The following SLCO5A1 variants were observed in gnomAD, a reference collection of about 807,000 sequenced individuals.
SLCO5A1 encodes the protein solute carrier organic anion transporter family member 5A1, also known as organic anion transporter polypeptide-related protein 4.
SLCO5A1 carries 39 observed loss-of-function variants against 65.1 expected under a neutral mutation model. The ratio of observed to expected loss-of-function variants is 0.60; its 90% CI spans 0.46 to 0.78. The LOEUF (loss-of-function observed/expected upper bound fraction) is 0.78. Ranked by LOEUF, SLCO5A1 falls within the 30% of genes least tolerant of loss-of-function variation. The pLI, the probability that SLCO5A1 is intolerant of heterozygous loss-of-function variation, is 0.00. For synonymous variants in SLCO5A1, 438 were observed against 415.7 expected (o/e 1.05, Z -0.65); for missense variants, 1,029 against 1,069.4 (o/e 0.96, Z 0.53).
At chr8:69,792,079 A>G (rs1819293674) in intron 2 of SLCO5A1, among the ~76,000 whole-genome samples, 1 of 152,244 alleles carries the variant, frequency 6.6e-6, no homozygotes, top group Non-Finnish European at 1.5e-5. Context: ...TCTGTAGAGC[A>G]CTGGGGTGTT....
intron 6 of SLCO5A1, among the ~76,000 whole-genome samples, chr8:69,691,281 G>A (rs1258274237): frequency 6.6e-6 from 1 of 152,112 alleles, no homozygotes; most frequent in African/African-American, 2.4e-5. Context: ...GAGCTCTCAC[G>A]ATCTTTCAAA....
intron 2 of SLCO5A1, among the ~76,000 whole-genome samples, chr8:69,762,983 G>C (rs973767214): frequency 6.6e-6 from 1 of 152,142 alleles, no homozygotes; most frequent in Non-Finnish European, 1.5e-5. Flanking sequence ...GTATCAAAAA[G>C]GTTGTCACTG....
intron 2 of SLCO5A1, among the ~76,000 whole-genome samples, chr8:69,780,415 A>G (rs541769863): frequency 3.9e-5 from 6 of 152,362 alleles, no homozygotes; most frequent in Non-Finnish European, 7.3e-5. Context: ...GTGCATATCA[A>G]TGGAGGACTG....
Position 69,832,666 on chromosome 8 carries a change from T to A in SLCO5A1, c.8A>T (p.Glu3Val). The change falls in exon 2 of 10, where the codon GAA (glutamate) becomes GTA (valine). Residue 3 changes from glutamate to valine, a missense_variant. Physicochemically the swap from Glu to Val is moderately radical, Grantham distance 121 (BLOSUM62 -2). Transcript: ENST00000260126. The surrounding 1 kb of genome is among the most constrained non-coding windows in gnomAD (Gnocchi z 4.5). Reference sequence around the variant, plus strand: ...CGCCCCGGGCTGCAGTCCAGTGCCTTCGTCCATGGCGCTTAGAATTCAGAT... The same window carrying A: ...CGCCCCGGGCTGCAGTCCAGTGCCTACGTCCATGGCGCTTAGAATTCAGAT... MD[E>V]GTGLQPGAGE... 2 of 1,596,718 alleles carry A rather than the reference T, an allele frequency of 1.3e-6. No individual in the cohort carries two copies. Among genetic ancestry groups the A allele is most frequent in the Non-Finnish European group, 1.7e-6 (2 of 1,177,668 alleles).
intron 3 of SLCO5A1, chr8:69,761,535 T>C: frequency 3.6e-6 from 2 of 558,980 alleles, no homozygotes; most frequent in Non-Finnish European, 6.2e-6. Context: ...GCAAAGTCCC[T>C]CTTGCCATGT....
At chr8:69,825,405 T>G (rs996371055) in intron 2 of SLCO5A1, among the ~76,000 whole-genome samples, 37 of 152,172 alleles carry the variant, frequency 2.4e-4, no homozygotes, top group African/African-American at 7.2e-4. Flanking sequence ...AAAATCTCCT[T>G]AAGCTGATAA....
Position 69,808,847 on chromosome 8 carries a change from G to A in SLCO5A1, c.907+22920C>T, listed in dbSNP as rs577527038. Among the ~76,000 whole-genome samples, 34 of 152,276 alleles carry A rather than the reference G, an allele frequency of 2.2e-4. 1 individual carries two copies. The highest frequency in any genetic ancestry group is 1.0e-3 in the Admixed American group (16 of 15,300). On this transcript the variant is annotated intron_variant, in intron 2 of 9. Coordinates refer to ENST00000260126, the MANE Select transcript of SLCO5A1 (RefSeq NM_030958.3). Reference sequence around the variant, plus strand: ...GACCCAGGCGTGGTGGCTCATGCCTGTAATCCCAGCACTTTGGGAGGCCGA... The same window carrying A: ...GACCCAGGCGTGGTGGCTCATGCCTATAATCCCAGCACTTTGGGAGGCCGA...
intron 6 of SLCO5A1, among the ~76,000 whole-genome samples, chr8:69,698,891 G>C (rs1275357732): frequency 6.6e-6 from 1 of 152,108 alleles, no homozygotes; most frequent in African/African-American, 2.4e-5. Flanking sequence ...ACAAAAACTA[G>C]TGGATACAAC....
chr8:69,727,353 T>C (rs1402639020), intron 5 of SLCO5A1, among the ~76,000 whole-genome samples: 3 of 152,326 alleles, frequency 2.0e-5, no homozygotes, highest in Admixed American at 1.3e-4. Context: ...TCTTACCTAG[T>C]ACATGAAAGT....
At chr8:69,779,031 A>G (rs532183614) in intron 2 of SLCO5A1, among the ~76,000 whole-genome samples, 11 of 152,320 alleles carry the variant, frequency 7.2e-5, no homozygotes, top group Non-Finnish European at 1.5e-4. Context: ...TGTATAGTGT[A>G]TGGCTACTTA....
At chr8:69,693,783 A>G (rs920845682) in intron 6 of SLCO5A1, among the ~76,000 whole-genome samples, 6 of 152,228 alleles carry the variant, frequency 3.9e-5, no homozygotes, top group African/African-American at 9.6e-5. Context: ...AATTGATCAC[A>G]TCTTAATGTT....
chr8:69,676,404 G>A (rs115292626), intron 9 of SLCO5A1, among the ~76,000 whole-genome samples: 6 of 152,244 alleles, frequency 3.9e-5, no homozygotes, highest in South Asian at 4.1e-4. Context: ...CTAACCTAAC[G>A]TTGGTTTTGT....
At chr8:69,784,864 G>GAAAGAAAGAAAGAAAGAAAGA (rs1563722860) in intron 2 of SLCO5A1, among the ~76,000 whole-genome samples, 5 of 44,852 alleles carry the variant, frequency 1.1e-4, no homozygotes, top group Non-Finnish European at 1.8e-4. Context: ...AGAAAGAAAG[G>GAAAGAAAGAAAGAAAGAAAGA]GAAGGAAGGA....
intron 9 of SLCO5A1, among the ~76,000 whole-genome samples, chr8:69,674,712 A>G (rs961470123): frequency 6.6e-5 from 10 of 152,122 alleles, no homozygotes; most frequent in Non-Finnish European, 1.3e-4. Context: ...AGAGGGGCAA[A>G]GCAAAAAGAA....
In SLCO5A1 at chr8:69,672,831, A is replaced by G. The variant is rs942821200; in HGVS notation, c.*38T>C. The stretch of plus-strand genomic sequence containing the variant: ...GTTGTTTCTCAAGTCGCCATTTTCA[A>G]TTCAACCAACAAAACTAAATTCTTC... On this transcript the variant is annotated 3_prime_UTR_variant, in exon 10 of 10. Coordinates refer to ENST00000260126, the MANE Select transcript of SLCO5A1 (RefSeq NM_030958.3). The G allele has an allele frequency of 1.3e-6, 2 of 1,564,530 alleles. No individual in the cohort carries two copies. Among genetic ancestry groups the G allele is most frequent in the African/African-American group, 1.4e-5 (1 of 72,628 alleles).
At position 69,676,663 on chromosome 8, in the gene SLCO5A1, C is replaced by T. The variant is rs953555624; in HGVS notation, c.2035G>A (p.Asp679Asn). 5.0e-6 allele frequency: 8 copies of T among 1,611,862 alleles called. No homozygotes were observed. Among genetic ancestry groups the T allele is most frequent in the Non-Finnish European group, 5.9e-6 (7 of 1,178,948 alleles). Residue 679 changes from aspartate (D) to asparagine (N), a missense_variant, in exon 9 of 10, where the codon GAT becomes AAT. By Grantham distance (23) the Asp-to-Asn change is conservative. Coordinates refer to ENST00000260126, the MANE Select transcript of SLCO5A1 (RefSeq NM_030958.3). The stretch of plus-strand genomic sequence containing the variant: ...CCCAGTGCAAAAGGTCTCTCCTCAT[C>T]TTCTACGGACCTACAGTGAAGGGAA... ...AIIVTLRSVEDEERPFALGMQ... is the reference protein window; with the variant it reads ...AIIVTLRSVENEERPFALGMQ...
intron 2 of SLCO5A1, among the ~76,000 whole-genome samples, chr8:69,776,775 A>G (rs1215002520): frequency 2.6e-5 from 4 of 152,254 alleles, no homozygotes; most frequent in Non-Finnish European, 4.4e-5. Context: ...TTACCAAAAA[A>G]GATACATAAA....
rs1243596277 is a variant in SLCO5A1 at position 69,671,778 on chromosome 8, A to G, written c.*1091T>C. ...TACTTAAGATCATATTCTGTTCCAGAACACAGATCTCCCTCCTCCTGTATT... is the reference window on the plus strand; with the variant it reads ...TACTTAAGATCATATTCTGTTCCAGGACACAGATCTCCCTCCTCCTGTATT... On this transcript the variant is annotated 3_prime_UTR_variant, in exon 10 of 10. Transcript: ENST00000260126. 2 of 152,234 alleles carry G rather than the reference A, an allele frequency of 1.3e-5. No individual in the cohort carries two copies. The highest frequency in any genetic ancestry group is 2.4e-5 in the African/African-American group (1 of 41,462). 9.4% of individuals were successfully genotyped at this position (152,234 alleles called of 1,614,324 possible).
intron 2 of SLCO5A1, among the ~76,000 whole-genome samples, chr8:69,776,093 A>T (rs148725694): frequency 1.7e-3 from 244 of 146,750 alleles, no homozygotes; most frequent in African/African-American, 5.9e-3. Context: ...CTGAAATAAC[A>T]CTCAGTGCAG....
Sources: gnomAD v4.1 joint callset for allele counts (sites outside exome capture counted in the v4.1 genomes callset) on GRCh38, gnomAD v4.1.1 for gene constraint, Gnocchi (gnomAD v3.1) non-coding constraint, MANE v1.5 for transcripts, NCBI Gene and HGNC (gene_info 2026-07-23, HGNC 2026-07-21) for gene names.